MYO18A: variants seen among roughly 807,000 people sequenced by gnomAD.
MYO18A encodes the protein myosin XVIIIA.
Under a neutral mutation model 235.8 loss-of-function variants are expected in MYO18A, and 78 were observed. The observed-to-expected ratio is 0.33, with a 90% CI of 0.28 to 0.40. The LOEUF is 0.40. Among genes scored for constraint, MYO18A ranks in the 10% least tolerant of loss-of-function variants. MYO18A has a pLI of 1.00. For missense variants in MYO18A, 2,215 were observed against 2,699.3 expected, an observed-to-expected ratio of 0.82 and a Z score of 3.98; for synonymous variants, 977 against 1,077.8, an observed-to-expected ratio of 0.91 and a Z score of 1.83.
chr17:29,136,146 T>C (rs1217113813), intron 2 of MYO18A, among the ~76,000 whole-genome samples: 1 of 151,398 alleles, frequency 6.6e-6, no homozygotes, highest in Non-Finnish European at 1.5e-5. Flanking sequence ...GGAGGATCGC[T>C]TGAGCCTGGG....
At chr17:29,093,499 G>C in intron 31 of MYO18A, 72 bp from the exon 32 acceptor site, 1 of 1,193,816 alleles carries the variant, frequency 8.4e-7, no homozygotes, top group Non-Finnish European at 1.2e-6. Context: ...CTTCCATTCT[G>C]GGTTCCCCAC....
intron 2 of MYO18A, among the ~76,000 whole-genome samples, chr17:29,144,299 T>G (rs1363537407): frequency 6.6e-6 from 1 of 152,188 alleles, no homozygotes; most frequent in African/African-American, 2.4e-5. Flanking sequence ...TTCTAGTCTC[T>G]TCTCCCTCTT....
chr17:29,153,583 G>A (rs1377868047), intron 2 of MYO18A, among the ~76,000 whole-genome samples: 1 of 152,206 alleles, frequency 6.6e-6, no homozygotes, highest in African/African-American at 2.4e-5. Context: ...AGGCCAAGCT[G>A]TAGCCAATAC....
chr17:29,087,027 T>C lies in MYO18A; in HGVS notation c.5621A>G (p.Lys1874Arg). The change falls in exon 38 of 42, where the codon AAG becomes AGG. Residue 1874 changes from lysine to arginine, a missense_variant. Physicochemically the swap from Lys to Arg is conservative, Grantham distance 26. Transcript: ENST00000527372. ...AAENREKEQN[K>R]RLQRQLRDTK... is the part of the protein sequence containing the mutation. ...GTCCCGGAGCTGCCTCTGTAGCCGC[T>C]TGTTCTGTTCCTTCTCCCGGTTCTC... 2 of 1,614,040 alleles carry C rather than the reference T, an allele frequency of 1.2e-6. No homozygotes were observed. The highest frequency in any genetic ancestry group is 1.7e-6 in the Non-Finnish European group (2 of 1,179,898).
chr17:29,145,187 A>G (rs2067822089), intron 2 of MYO18A, among the ~76,000 whole-genome samples: 1 of 152,080 alleles, frequency 6.6e-6, no homozygotes, highest in Non-Finnish European at 1.5e-5. Context: ...CTTCCTTTAT[A>G]TCCCATCCCG....
At position 29,097,289 on chromosome 17, in the gene MYO18A, C is replaced by T. The variant is rs1297230440; in HGVS notation, c.4164G>A (p.Arg1388=). 4 of 1,611,224 alleles carry T rather than the reference C, an allele frequency of 2.5e-6. No individual in the cohort carries two copies. Among genetic ancestry groups the T allele is most frequent in the Non-Finnish European group, 3.4e-6 (4 of 1,179,862 alleles). ...GCTTGTCCTCAAACTCCTGCTGGAG[C>T]CGTTTCTTGGTGAAGTCCACCTCCC... ...AVREVDFTKK[R]LQQEFEDKLE... The change falls in exon 27 of 42, where the codon CGG becomes CGA. Residue 1388 remains arginine (R), a synonymous_variant. Coordinates refer to ENST00000527372, the MANE Select transcript of MYO18A (RefSeq NM_078471.4).
At position 29,083,209 on chromosome 17, in the gene MYO18A, G is replaced by A. The variant is rs184270056; in HGVS notation, c.5898-771C>T. Among the ~76,000 whole-genome samples, 346 of 152,214 alleles carry A rather than the reference G, an allele frequency of 2.3e-3. 3 individuals are homozygous for A. Among genetic ancestry groups the A allele is most frequent in the African/African-American group, 5.3e-3 (219 of 41,522 alleles). On this transcript the variant is annotated intron_variant, in intron 40 of 41. Transcript: ENST00000527372. ...CCTGTCGCTCAAGGTCTCCTCTTCC[G>A]TCCTCAGGTAGCCCCCAGCCCTTGC...
chr17:29,156,412 C>T (rs2068067239), intron 2 of MYO18A, among the ~76,000 whole-genome samples: 1 of 152,240 alleles, frequency 6.6e-6, no homozygotes, highest in East Asian at 1.9e-4. Context: ...CAGGCTCCTG[C>T]TCCTGGATGC....
intron 2 of MYO18A, among the ~76,000 whole-genome samples, chr17:29,138,641 C>A (rs2067663236): frequency 2.0e-5 from 3 of 152,244 alleles, no homozygotes. Flanking sequence ...TTGATCCTCA[C>A]AACATCCCTC....
intron 41 of MYO18A, chr17:29,077,158 C>T (rs762078055): frequency 2.6e-5 from 4 of 152,364 alleles, no homozygotes; most frequent in Admixed American, 6.5e-5. Context: ...TGCGGACCCA[C>T]GAGATTGCCC....
intron 37 of MYO18A, among the ~76,000 whole-genome samples, chr17:29,089,194 AG>A (rs2066332504): frequency 6.6e-6 from 1 of 151,884 alleles, no homozygotes; most frequent in African/African-American, 2.4e-5. Context: ...GCACTTTGGG[AG>A]GCCGAGGCGG....
chr17:29,117,089 T>C lies in MYO18A; in HGVS notation c.2039-634A>G, dbSNP rs751356847. Among the ~76,000 whole-genome samples, 35 of 152,084 alleles carry C rather than the reference T, an allele frequency of 2.3e-4. No homozygotes were observed. Among genetic ancestry groups the C allele is most frequent in the Non-Finnish European group, 4.0e-4 (27 of 68,022 alleles). ...ACTTTCTCACTCCAGCTGAGCAGCCTGGGGCCCTTCACATCCCAGAAGGGG... is the reference window on the plus strand; with the variant it reads ...ACTTTCTCACTCCAGCTGAGCAGCCCGGGGCCCTTCACATCCCAGAAGGGG... On this transcript the variant is annotated intron_variant, in intron 10 of 41. Coordinates refer to ENST00000527372, the MANE Select transcript of MYO18A (RefSeq NM_078471.4). This position sits in a 1 kb window ranked among gnomAD's most constrained non-coding sequence, Gnocchi z 4.6.
chr17:29,147,375 G>T (rs915208207), intron 2 of MYO18A, among the ~76,000 whole-genome samples: 1 of 151,858 alleles, frequency 6.6e-6, no homozygotes, highest in Non-Finnish European at 1.5e-5. Context: ...AAATTAGCTG[G>T]GTGTGGTGGT....
intron 35 of MYO18A, 35 bp from the exon 36 acceptor site, chr17:29,090,650 C>G (rs1184476513): frequency 3.8e-6 from 6 of 1,585,214 alleles, no homozygotes; most frequent in Non-Finnish European, 5.2e-6. Flanking sequence ...AAGCAGGATC[C>G]CCCATAAGCA....
At chr17:29,136,173 G>C (rs2067592330) in intron 2 of MYO18A, among the ~76,000 whole-genome samples, 1 of 149,426 alleles carries the variant, frequency 6.7e-6, no homozygotes, top group Admixed American at 6.7e-5. Flanking sequence ...AGGTTGTAGT[G>C]AGCAGAGATC....
chr17:29,130,999 G>A (rs1354910144), intron 2 of MYO18A, among the ~76,000 whole-genome samples: 1 of 152,114 alleles, frequency 6.6e-6, no homozygotes, highest in East Asian at 1.9e-4. Context: ...CTCATTCGAC[G>A]CTCCCTGACC....
intron 17 of MYO18A, 132 bp from the exon 18 acceptor site, chr17:29,110,754 T>G: frequency 1.2e-6 from 1 of 859,306 alleles, no homozygotes; most frequent in Non-Finnish European, 1.7e-6. Flanking sequence ...CTACCTGAAC[T>G]GCATGCCCCA....
intron 11 of MYO18A, 110 bp downstream of exon 11, chr17:29,116,334 G>T: frequency 7.5e-7 from 1 of 1,325,670 alleles, no homozygotes; most frequent in Non-Finnish European, 1.1e-6. Context: ...ACAGTGGGGA[G>T]GCAAAAAAGC....
At chr17:29,088,725 C>A (rs936583796) in intron 37 of MYO18A, among the ~76,000 whole-genome samples, 1 of 152,232 alleles carries the variant, frequency 6.6e-6, no homozygotes, top group African/African-American at 2.4e-5. Flanking sequence ...CTGGCCAATA[C>A]TGGCTTTGGG....
Sources: gnomAD v4.1 joint callset for allele counts (sites outside exome capture counted in the v4.1 genomes callset) on GRCh38, gnomAD v4.1.1 for gene constraint, Gnocchi (gnomAD v3.1) non-coding constraint, MANE v1.5 for transcripts, NCBI Gene and HGNC (gene_info 2026-07-23, HGNC 2026-07-21) for gene names.